The following ASCC3 variants were observed in gnomAD, a reference collection of about 807,000 sequenced individuals.
ASCC3 encodes ASC-1 complex subunit P200.
In ASCC3, 158 loss-of-function variants were observed where a neutral mutation model predicts 256.3. The observed-to-expected ratio is 0.62, with a 90% CI of 0.54 to 0.70. ASCC3 has a LOEUF of 0.70. ASCC3 is among the 30% of genes least tolerant of loss of function. ASCC3 has a pLI of 0.00. For missense variants in ASCC3, 2,259 were observed against 2,626.0 expected (o/e 0.86, Z 3.05); for synonymous variants, 948 against 883.4 (o/e 1.07, Z -1.30).
intron 10 of ASCC3, among the ~76,000 whole-genome samples, chr6:100,748,005 T>A (rs555288658): frequency 6.6e-6 from 1 of 152,054 alleles, no homozygotes; most frequent in East Asian, 1.9e-4. Context: ...GCTTTTATCC[T>A]CTTATTTAGA....
intron 36 of ASCC3, among the ~76,000 whole-genome samples, chr6:100,559,772 G>C (rs891712678): frequency 1.3e-5 from 2 of 151,642 alleles, no homozygotes; most frequent in African/African-American, 4.9e-5. Context: ...CTTGAACCTG[G>C]GAGGAGGAGG....
At chr6:100,809,606 T>A (rs1040114696) in intron 4 of ASCC3, among the ~76,000 whole-genome samples, 4 of 152,040 alleles carry the variant, frequency 2.6e-5, no homozygotes, top group Non-Finnish European at 5.9e-5. Flanking sequence ...CCAATAGACA[T>A]AAACCACATA....
intron 25 of ASCC3, among the ~76,000 whole-genome samples, chr6:100,637,093 A>G (rs934375997): frequency 6.6e-6 from 1 of 152,178 alleles, no homozygotes; most frequent in Non-Finnish European, 1.5e-5. Flanking sequence ...AAGGACTTTC[A>G]CAGGTAGAGA....
chr6:100,658,289 C>A (rs528551078), intron 16 of ASCC3, among the ~76,000 whole-genome samples: 2 of 151,322 alleles, frequency 1.3e-5, no homozygotes, highest in Non-Finnish European at 3.0e-5. Context: ...AAATCCCCCA[C>A]GAATTTGGTA....
chr6:100,528,985 A>C (rs1456145741), intron 37 of ASCC3, among the ~76,000 whole-genome samples: 1 of 152,184 alleles, frequency 6.6e-6, no homozygotes, highest in East Asian at 1.9e-4. Context: ...ATTGCCTATT[A>C]CTTCTAGAAG....
At chr6:100,545,631 G>A (rs1379387623) in intron 36 of ASCC3, among the ~76,000 whole-genome samples, 2 of 152,066 alleles carry the variant, frequency 1.3e-5, no homozygotes, top group Admixed American at 6.5e-5. Context: ...CACTCTTGTC[G>A]CCCAGGCTGA....
rs371095879 is a variant in ASCC3 at position 100,509,397 on chromosome 6, C to T, written c.6598G>A (p.Ala2200Thr). Residue 2200 changes from alanine to threonine, a missense_variant, in exon 42 of 42, where the codon GCA (alanine) becomes ACA (threonine). Ala to Thr is a moderately conservative substitution (Grantham distance 58). This residue lies in a region of ASCC3 where 1,839 missense variants were observed against 2,206.7 expected (regional missense o/e 0.83). Transcript: ENST00000369162. ...TTGTTCAGGTCAAGTTACTTTAATGCCAGGTCAGTCAGGGAATCAGAGACC... is the reference window on the plus strand; with the variant it reads ...TTGTTCAGGTCAAGTTACTTTAATGTCAGGTCAGTCAGGGAATCAGAGACC... ...TKVSDSLTDL[A>T]LK 1 of 1,614,118 alleles carries T rather than the reference C, an allele frequency of 6.2e-7. No homozygotes were observed. The highest frequency in any genetic ancestry group is 8.5e-7 in the Non-Finnish European group (1 of 1,179,998).
chr6:100,662,133 G>T, intron 15 of ASCC3, 103 bp from the exon 16 acceptor site: 1 of 1,216,926 alleles, frequency 8.2e-7, no homozygotes, highest in Non-Finnish European at 1.2e-6. Context: ...TCTCAAAAGT[G>T]TACTTTAACT....
intron 4 of ASCC3, among the ~76,000 whole-genome samples, chr6:100,810,042 T>C (rs1040433436): frequency 1.3e-5 from 2 of 152,126 alleles, no homozygotes; most frequent in Admixed American, 6.6e-5. Context: ...TCCTGATCCT[T>C]ACAAGATAAA....
intron 8 of ASCC3, among the ~76,000 whole-genome samples, chr6:100,781,340 T>A (rs1030011229): frequency 1.3e-5 from 2 of 152,136 alleles, no homozygotes; most frequent in Admixed American, 1.3e-4. Flanking sequence ...AAACACCAAG[T>A]TAGCTTGGAT....
intron 36 of ASCC3, among the ~76,000 whole-genome samples, chr6:100,547,538 G>A (rs1769036236): frequency 6.6e-6 from 1 of 151,922 alleles, no homozygotes; most frequent in Admixed American, 6.6e-5. Flanking sequence ...TAAAAGAAGG[G>A]CTAAAGATTT....
intron 13 of ASCC3, among the ~76,000 whole-genome samples, chr6:100,699,737 T>C (rs1210554164): frequency 6.6e-6 from 1 of 152,022 alleles, no homozygotes; most frequent in Non-Finnish European, 1.5e-5. Flanking sequence ...GCTAAGGTGG[T>C]CTTAGATGGA....
At chr6:100,580,921 T>C (rs568245945) in intron 36 of ASCC3, among the ~76,000 whole-genome samples, 2,431 of 152,268 alleles carry the variant, frequency 0.016, 66 homozygotes, top group African/African-American at 0.055. Context: ...CTCATCATTT[T>C]TATGGCTGCA....
chr6:100,666,854 CAA>C (rs1377080368), intron 14 of ASCC3, among the ~76,000 whole-genome samples: 1 of 148,602 alleles, frequency 6.7e-6, no homozygotes, highest in African/African-American at 2.5e-5. Context: ...CACTAACAGA[CAA>C]AAAAAAAGCA....
intron 38 of ASCC3, among the ~76,000 whole-genome samples, chr6:100,516,771 G>A (rs1323375540): frequency 6.6e-6 from 1 of 152,072 alleles, no homozygotes; most frequent in Non-Finnish European, 1.5e-5. Context: ...GAGATTTACA[G>A]CATAAGTAGT....
intron 7 of ASCC3, 92 bp downstream of exon 7, chr6:100,799,339 G>A: frequency 7.2e-7 from 1 of 1,382,364 alleles, no homozygotes; most frequent in Non-Finnish European, 1.0e-6. Flanking sequence ...TAGTCAACTA[G>A]TGTTAGACTC....
At chr6:100,580,598 ATAC>A (rs1254739069) in intron 36 of ASCC3, among the ~76,000 whole-genome samples, 1 of 151,832 alleles carries the variant, frequency 6.6e-6, no homozygotes, top group African/African-American at 2.4e-5. Context: ...TATTATTATT[ATAC>A]TTTAAGTTTT....
At chr6:100,583,948 G>A (rs557636501) in intron 36 of ASCC3, among the ~76,000 whole-genome samples, 1 of 152,208 alleles carries the variant, frequency 6.6e-6, no homozygotes, top group Non-Finnish European at 1.5e-5. Context: ...TGTGGTCTGA[G>A]AGATAGTTTG....
chr6:100,647,741 A>C (rs191533255), intron 20 of ASCC3, among the ~76,000 whole-genome samples: 45 of 152,268 alleles, frequency 3.0e-4, no homozygotes, highest in African/African-American at 9.9e-4. Context: ...AAGAGACAAA[A>C]GGCATGCAAA....
Sources: allele counts gnomAD v4.1 joint callset (sites outside exome capture counted in the v4.1 genomes callset), GRCh38; gene constraint gnomAD v4.1.1; regional missense constraint gnomAD v4.1.1; transcripts MANE v1.5; gene names NCBI Gene and HGNC (gene_info 2026-07-23, HGNC 2026-07-21).